Variants in RSPO2 observed in about 807,000 individuals in gnomAD.
The protein encoded by RSPO2 is R-spondin 2, also known as R-spondin-2.
RSPO2 carries 14 observed loss-of-function variants against 30.9 expected under a neutral mutation model. That is an observed-to-expected ratio of 0.45 (90% CI 0.30 to 0.71). The LOEUF is 0.71. Ranked by LOEUF, RSPO2 falls within the 30% of genes least tolerant of loss-of-function variation. The probability of loss-of-function intolerance (pLI) is 0.08; values close to 1 mark genes in which losing one functional copy is unlikely to be tolerated. For synonymous variants in RSPO2, 107 were observed against 96.4 expected (o/e 1.11, Z -0.64); for missense variants, 264 against 301.9 (o/e 0.87, Z 0.93).
intron 3 of RSPO2, among the ~76,000 whole-genome samples, chr8:107,976,178 C>T (rs1244553910): frequency 6.6e-6 from 1 of 152,236 alleles, no homozygotes; most frequent in African/African-American, 2.4e-5. Flanking sequence ...GCCTCACCCT[C>T]TGCCAAAGGG....
chr8:107,964,807 A>G (rs148075578), intron 3 of RSPO2, among the ~76,000 whole-genome samples: 1 of 152,186 alleles, frequency 6.6e-6, no homozygotes, highest in African/African-American at 2.4e-5. Flanking sequence ...ACTGGGATTC[A>G]TATCAACTCT....
chr8:108,045,364 A>G (rs946624456), intron 2 of RSPO2, among the ~76,000 whole-genome samples: 3 of 152,162 alleles, frequency 2.0e-5, no homozygotes, highest in African/African-American at 7.2e-5. Flanking sequence ...TAAAACCACA[A>G]AGAGATACCA....
At chr8:107,931,277 T>C (rs574371931) in intron 5 of RSPO2, among the ~76,000 whole-genome samples, 15 of 152,298 alleles carry the variant, frequency 9.8e-5, no homozygotes, top group African/African-American at 2.4e-4. Flanking sequence ...AAGTGTGTCT[T>C]TATTCTCCCC....
At chr8:107,919,761 C>A (rs1812094003) in intron 5 of RSPO2, among the ~76,000 whole-genome samples, 1 of 151,968 alleles carries the variant, frequency 6.6e-6, no homozygotes, top group South Asian at 2.1e-4. Flanking sequence ...ACCAAGTTGT[C>A]CTTAAAAACT....
In RSPO2 at chr8:108,033,060, A is replaced by G. The variant is rs1266477379; in HGVS notation, c.95-43816T>C. On this transcript the variant is annotated intron_variant, in intron 2 of 5. Transcript: ENST00000276659. ...GCAAGACTCTGTCTCAAAAAAAAAA[A>G]AAAAAAAAAAAAAAAAAATTTGTAG... Among the ~76,000 whole-genome samples the G allele has an allele frequency of 2.5e-4, 37 of 150,680 alleles. 1 individual carries two copies. Among genetic ancestry groups the G allele is most frequent in the Middle Eastern group, 6.8e-3 (2 of 292 alleles).
In RSPO2 at chr8:107,944,292, C is replaced by A. The variant is rs1042949837; in HGVS notation, c.616+13788G>T. ...ACTGCTGAATAAAATGTTATAGGGG[C>A]AATTCAAGATAAAATAAGTTTTGCT... On this transcript the variant is annotated intron_variant, in intron 5 of 5. Coordinates refer to ENST00000276659, the MANE Select transcript of RSPO2 (RefSeq NM_178565.5). Among the ~76,000 whole-genome samples, 139 of 152,170 alleles carry A rather than the reference C, an allele frequency of 9.1e-4. 1 individual carries two copies. The highest frequency in any genetic ancestry group is 3.1e-3 in the African/African-American group (129 of 41,520).
Position 107,901,087 on chromosome 8 carries a change from T to C in RSPO2, c.720A>G (p.Arg240=), listed in dbSNP as rs1563741075. 6.2e-7 allele frequency: 1 copy of C among 1,613,662 alleles called. No homozygotes were observed. ...CGGATCTCTTGTTTTATTGGTTAGC[T>C]CTGTCTGTAGCTAGGAAGACGCTGT... is the stretch of plus-strand genomic sequence containing the variant. ...EQHSVFLATD[R]ANQ Residue 240 remains arginine (R), a synonymous_variant, in exon 6 of 6, where the codon AGA becomes AGG. Coordinates refer to ENST00000276659, the MANE Select transcript of RSPO2 (RefSeq NM_178565.5).
At chr8:108,028,089 C>CA in intron 2 of RSPO2, among the ~76,000 whole-genome samples, 2 of 152,336 alleles carry the variant, frequency 1.3e-5, no homozygotes, top group East Asian at 3.9e-4. Context: ...CCATCTGTTT[C>CA]ACCCAGGACT....
At chr8:108,025,735 TG>T (rs911567612) in intron 2 of RSPO2, among the ~76,000 whole-genome samples, 2 of 152,056 alleles carry the variant, frequency 1.3e-5, no homozygotes, top group Non-Finnish European at 1.5e-5. Context: ...TTGCCCAGGC[TG>T]GTCTCAAACT....
chr8:107,964,650 C>A (rs1003720665), intron 3 of RSPO2, among the ~76,000 whole-genome samples: 6 of 152,156 alleles, frequency 3.9e-5, no homozygotes, highest in Non-Finnish European at 8.8e-5. Context: ...CCAACTACAA[C>A]CCCCTGCTCT....
At chr8:108,014,645 G>A (rs766103112) in intron 2 of RSPO2, among the ~76,000 whole-genome samples, 14 of 151,986 alleles carry the variant, frequency 9.2e-5, no homozygotes, top group African/African-American at 2.9e-4. Context: ...GTTGAACAAT[G>A]AGAACACATG....
At chr8:108,027,749 A>G (rs1479384043) in intron 2 of RSPO2, among the ~76,000 whole-genome samples, 2 of 152,186 alleles carry the variant, frequency 1.3e-5, no homozygotes, top group Admixed American at 1.3e-4. Context: ...CTCAAAAAGA[A>G]AATACATCTC....
chr8:108,073,366 G>A (rs1332377625), intron 2 of RSPO2, among the ~76,000 whole-genome samples: 4 of 152,202 alleles, frequency 2.6e-5, no homozygotes, highest in African/African-American at 7.2e-5. Context: ...TGTTTTCATT[G>A]CTGAGGTGAT....
intron 2 of RSPO2, among the ~76,000 whole-genome samples, chr8:108,040,734 T>C (rs1433876475): frequency 6.6e-6 from 1 of 152,084 alleles, no homozygotes; most frequent in Non-Finnish European, 1.5e-5. Context: ...TTACGAGACT[T>C]TTGCAATAAT....
chr8:107,903,973 C>G (rs138686040), intron 5 of RSPO2, among the ~76,000 whole-genome samples: 1 of 151,974 alleles, frequency 6.6e-6, no homozygotes, highest in Non-Finnish European at 1.5e-5. Context: ...TAAAATACAA[C>G]GTAACATACA....
chr8:107,983,734 T>C (rs1454388692), intron 3 of RSPO2: 52 of 1,594,658 alleles, frequency 3.3e-5, no homozygotes, highest in Non-Finnish European at 4.2e-5. Flanking sequence ...GCCAGACTTC[T>C]AAAAGGTCCA....
chr8:108,036,169 C>G (rs1047357023), intron 2 of RSPO2, among the ~76,000 whole-genome samples: 2 of 152,008 alleles, frequency 1.3e-5, no homozygotes, highest in Non-Finnish European at 2.9e-5. Context: ...AACCCAAAAC[C>G]TAAAAAACAC....
chr8:108,035,448 TTTTTG>T (rs974921871), intron 2 of RSPO2, among the ~76,000 whole-genome samples: 4 of 152,054 alleles, frequency 2.6e-5, no homozygotes, highest in African/African-American at 7.2e-5. Flanking sequence ...TTGTTTTGTT[TTTTTG>T]TTTTGTTTGT....
chr8:108,026,827 C>T (rs1811235340), intron 2 of RSPO2, among the ~76,000 whole-genome samples: 1 of 152,148 alleles, frequency 6.6e-6, no homozygotes, highest in Non-Finnish European at 1.5e-5. Context: ...GATCATGCCA[C>T]TGCACTCCAG....
Sources: allele counts gnomAD v4.1 joint callset (sites outside exome capture counted in the v4.1 genomes callset), GRCh38; gene constraint gnomAD v4.1.1; transcripts MANE v1.5; gene names NCBI Gene and HGNC (gene_info 2026-07-23, HGNC 2026-07-21).